EPC2: variants seen among roughly 807,000 people sequenced by gnomAD.
EPC2 encodes the protein enhancer of polycomb 2.
EPC2 carries 14 observed loss-of-function variants against 92.1 expected under a neutral mutation model. The observed-to-expected ratio is 0.15, with a 90% CI of 0.10 to 0.24. The LOEUF (loss-of-function observed/expected upper bound fraction) is 0.24. Ranked by LOEUF, EPC2 falls within the 10% of genes least tolerant of loss-of-function variation. The probability of loss-of-function intolerance (pLI) is 1.00; values close to 1 mark genes in which losing one functional copy is unlikely to be tolerated. For missense variants in EPC2, 755 were observed against 971.5 expected, an observed-to-expected ratio of 0.78 and a Z score of 2.96; for synonymous variants, 340 against 334.7, an observed-to-expected ratio of 1.02 and a Z score of -0.17.
chr2:148,699,480 G>T (rs939289126), intron 2 of EPC2, among the ~76,000 whole-genome samples: 4 of 152,102 alleles, frequency 2.6e-5, no homozygotes, highest in Non-Finnish European at 5.9e-5. Flanking sequence ...TCTTTTTGTT[G>T]TCTCTTTAGT....
intron 1 of EPC2, among the ~76,000 whole-genome samples, chr2:148,687,888 TC>T (rs1219057851): frequency 6.6e-6 from 1 of 152,192 alleles, no homozygotes; most frequent in Non-Finnish European, 1.5e-5. Flanking sequence ...TTGGTATCTA[TC>T]CCCCTCTATC....
intron 1 of EPC2, among the ~76,000 whole-genome samples, chr2:148,658,081 G>A (rs185011198): frequency 2.2e-4 from 34 of 152,070 alleles, no homozygotes; most frequent in African/African-American, 8.2e-4. Context: ...GCTAGACCCT[G>A]GTCACAACAG....
chr2:148,660,957 T>C (rs1163928703), intron 1 of EPC2, among the ~76,000 whole-genome samples: 1 of 152,094 alleles, frequency 6.6e-6, no homozygotes, highest in Non-Finnish European at 1.5e-5. Flanking sequence ...TAATTGTTTA[T>C]TATCTTATCT....
chr2:148,734,069 A>G (rs763631888), intron 2 of EPC2, among the ~76,000 whole-genome samples: 1 of 152,188 alleles, frequency 6.6e-6, no homozygotes, highest in African/African-American at 2.4e-5. Context: ...GCAAGTCCCC[A>G]TGCCTGGTTG....
intron 2 of EPC2, among the ~76,000 whole-genome samples, chr2:148,705,559 T>A (rs1185673790): frequency 6.6e-6 from 1 of 152,190 alleles, no homozygotes; most frequent in Non-Finnish European, 1.5e-5. Flanking sequence ...CAGCCTAACT[T>A]GGAGACACCT....
At chr2:148,740,480 G>C (rs1227972290) in intron 2 of EPC2, among the ~76,000 whole-genome samples, 1 of 152,078 alleles carries the variant, frequency 6.6e-6, no homozygotes, top group African/African-American at 2.4e-5. Flanking sequence ...GCAAGTCTTT[G>C]CCCTGGTTCT....
intron 1 of EPC2, among the ~76,000 whole-genome samples, chr2:148,685,693 G>T (rs1681503645): frequency 6.6e-6 from 1 of 152,210 alleles, no homozygotes; most frequent in Admixed American, 6.5e-5. Flanking sequence ...CTCCGCTTCG[G>T]GGGGCAGAGC....
At chr2:148,775,804 G>A (rs1406157640) in intron 10 of EPC2, among the ~76,000 whole-genome samples, 18 of 103,786 alleles carry the variant, frequency 1.7e-4, no homozygotes, top group South Asian at 3.3e-4. Flanking sequence ...TTGAGATGGA[G>A]TCTCACTCTG....
chr2:148,712,435 T>C (rs902967624), intron 2 of EPC2, among the ~76,000 whole-genome samples: 11 of 152,134 alleles, frequency 7.2e-5, no homozygotes, highest in Non-Finnish European at 1.3e-4. Context: ...ACACAGACAA[T>C]GTGCCACATA....
intron 1 of EPC2, among the ~76,000 whole-genome samples, chr2:148,646,734 G>A (rs547772982): frequency 6.6e-6 from 1 of 151,948 alleles, no homozygotes; most frequent in Non-Finnish European, 1.5e-5. Context: ...GCTATTTTGT[G>A]GGTCTTGATC....
chr2:148,698,861 CTGTGTATG>C (rs1221880520), intron 2 of EPC2, among the ~76,000 whole-genome samples: 2 of 144,036 alleles, frequency 1.4e-5, no homozygotes, highest in African/African-American at 2.6e-5. Flanking sequence ...GCATTATACT[CTGTGTATG>C]TGTGTATGTG....
chr2:148,784,649 T>C lies in EPC2; in HGVS notation c.2018-19T>C, dbSNP rs1683826874. ...TTGATGTCTCATGATACTAGTTGAA[T>C]GACTTCTTTCTTTTTCAGGAACCTC... On this transcript the variant is annotated intron_variant, in intron 12 of 13. Transcript: ENST00000258484. 3 of 1,536,608 alleles carry C rather than the reference T, an allele frequency of 2.0e-6. No individual in the cohort carries two copies. Among genetic ancestry groups the C allele is most frequent in the African/African-American group, 2.8e-5 (2 of 72,538 alleles).
intron 1 of EPC2, among the ~76,000 whole-genome samples, chr2:148,689,309 T>C (rs1005768802): frequency 7.3e-5 from 11 of 151,362 alleles, no homozygotes; most frequent in African/African-American, 2.4e-4. Context: ...CCTGAGTAGC[T>C]GGGACTAGAG....
Position 148,786,387 on chromosome 2 carries a change from C to T in EPC2, c.*10C>T, listed in dbSNP as rs372607923. On this transcript the variant is annotated 3_prime_UTR_variant, in exon 14 of 14. Coordinates refer to ENST00000258484, the MANE Select transcript of EPC2 (RefSeq NM_015630.4). ...TATGGAAGTGACATAACCTAAAACACGTGGCTCTGACCTGTGCTGATGGTG... is the reference window on the plus strand; with the variant it reads ...TATGGAAGTGACATAACCTAAAACATGTGGCTCTGACCTGTGCTGATGGTG... 4.4e-6 allele frequency: 7 copies of T among 1,600,936 alleles called. No individual in the cohort carries two copies. In the Admixed American group the frequency reaches 6.9e-5, roughly 16 times the overall value.
intron 2 of EPC2, among the ~76,000 whole-genome samples, chr2:148,709,432 T>G (rs1020145965): frequency 1.3e-5 from 2 of 152,180 alleles, no homozygotes; most frequent in African/African-American, 4.8e-5. Flanking sequence ...AGGTAATTTA[T>G]AGATTAAATG....
At chr2:148,763,399 AT>A (rs1467632941) in intron 6 of EPC2, among the ~76,000 whole-genome samples, 1 of 152,188 alleles carries the variant, frequency 6.6e-6, no homozygotes, top group African/African-American at 2.4e-5. Flanking sequence ...CACTTGGTAC[AT>A]TAATTAAAGT....
rs1344212913 is a variant in EPC2, at chr2:148,705,828, C to G, written c.313+15455C>G. Among the ~76,000 whole-genome samples, 3 of 152,108 alleles carry G rather than the reference C, an allele frequency of 2.0e-5. No individual in the cohort carries two copies. In the East Asian group the frequency reaches 5.8e-4, roughly 29 times the overall value. On this transcript the variant is annotated intron_variant, in intron 2 of 13. Coordinates refer to ENST00000258484, the MANE Select transcript of EPC2 (RefSeq NM_015630.4). ...ACATCAACCAAAAGGACATCCACAC[C>G]AAAACCTCATCTGTAGGTCACCATC... is the stretch of plus-strand genomic sequence containing the variant.
At chr2:148,654,140 G>T (rs559825651) in intron 1 of EPC2, among the ~76,000 whole-genome samples, 1 of 151,876 alleles carries the variant, frequency 6.6e-6, no homozygotes, top group Non-Finnish European at 1.5e-5. Flanking sequence ...GTAGAGATGG[G>T]GTTTCACCAT....
intron 10 of EPC2, among the ~76,000 whole-genome samples, chr2:148,772,545 C>A (rs1297348429): frequency 6.6e-6 from 1 of 152,110 alleles, no homozygotes; most frequent in African/African-American, 2.4e-5. Flanking sequence ...TGCCTGTTTT[C>A]CAACTTGACT....
Sources: allele counts gnomAD v4.1 joint callset (sites outside exome capture counted in the v4.1 genomes callset), GRCh38; gene constraint gnomAD v4.1.1; transcripts MANE v1.5; gene names NCBI Gene and HGNC (gene_info 2026-07-23, HGNC 2026-07-21).